PDC: variants seen among roughly 807,000 people sequenced by gnomAD.
PDC encodes the protein 33 kDa phototransducing protein.
PDC carries 19 observed loss-of-function variants against 22.2 expected under a neutral mutation model. The ratio of observed to expected loss-of-function variants is 0.86; its 90% CI spans 0.60 to 1.26. The LOEUF (loss-of-function observed/expected upper bound fraction) is 1.26. Ranked by LOEUF, PDC falls within the 50% of genes most tolerant of loss-of-function variation. The probability of loss-of-function intolerance (pLI) is 0.00; values close to 1 mark genes in which losing one functional copy is unlikely to be tolerated. For synonymous variants in PDC, 97 were observed against 96.2 expected (o/e 1.01, Z -0.05); for missense variants, 274 against 286.8 (o/e 0.96, Z 0.32).
Position 186,446,572 on chromosome 1 carries a change from T to TA in PDC, c.66_67insT (p.Lys23Ter). ...TTTCTCCAATCATTTATTACTCCTTTGGGTCCTGGAATGAAATTAAAAATA... is the reference window on the plus strand; with the variant it reads ...TTTCTCCAATCATTTATTACTCCTTTAGGGTCCTGGAATGAAATTAAAAATA... On this transcript the variant is annotated frameshift_variant, in exon 3 of 4. Transcript: ENST00000391997. LOFTEE classifies it high-confidence loss of function. 2.6e-6 allele frequency: 4 copies of TA among 1,544,294 alleles called. No individual in the cohort carries two copies. Among genetic ancestry groups the TA allele is most frequent in the Non-Finnish European group, 3.5e-6 (4 of 1,128,168 alleles).
chr1:186,454,481 A>G (rs938929990), intron 1 of PDC, among the ~76,000 whole-genome samples: 7 of 150,244 alleles, frequency 4.7e-5, no homozygotes, highest in African/African-American at 1.7e-4. Flanking sequence ...GGCCTATTTC[A>G]TGTTAATGGA....
chr1:186,456,541 A>C (rs1293534165), intron 1 of PDC, among the ~76,000 whole-genome samples: 3 of 152,236 alleles, frequency 2.0e-5, no homozygotes, highest in Non-Finnish European at 4.4e-5. Flanking sequence ...AGCATACCTG[A>C]CATCTTTCCA....
chr1:186,444,569 C>A (rs1662181977), intron 3 of PDC, 63 bp from the exon 4 acceptor site: 1 of 1,115,144 alleles, frequency 9.0e-7, no homozygotes, highest in Non-Finnish European at 1.3e-6. Context: ...ATATACCAAG[C>A]CCATTCTCAA....
rs576238992 is a variant in PDC, at chr1:186,454,371, G to T, written c.-24-4888C>A. Among the ~76,000 whole-genome samples, 12 of 151,894 alleles carry T rather than the reference G, an allele frequency of 7.9e-5. No individual in the cohort carries two copies. In the East Asian group the frequency reaches 1.5e-3, roughly 20 times the overall value. On this transcript the variant is annotated intron_variant, in intron 1 of 3. Coordinates refer to ENST00000391997, the MANE Select transcript of PDC (RefSeq NM_002597.5). ...TTTTTGTATTTTTAGTAGACACGGG[G>T]TTTCACCATGTTGGCCAGGCTGGTC...
chr1:186,456,618 A>T (rs1313409613), intron 1 of PDC, among the ~76,000 whole-genome samples: 1 of 152,172 alleles, frequency 6.6e-6, no homozygotes, highest in Non-Finnish European at 1.5e-5. Context: ...TCAGAGTAAG[A>T]TTGTTTTTTG....
chr1:186,447,359 G>A (rs892237942), intron 2 of PDC, among the ~76,000 whole-genome samples: 1 of 152,046 alleles, frequency 6.6e-6, no homozygotes, highest in Non-Finnish European at 1.5e-5. Context: ...ATGTTGGCCA[G>A]GCTGGTCTTG....
chr1:186,454,923 T>C (rs1662428586), intron 1 of PDC, among the ~76,000 whole-genome samples: 1 of 152,252 alleles, frequency 6.6e-6, no homozygotes, highest in South Asian at 2.1e-4. Flanking sequence ...AAGCTTTTTA[T>C]GATCTAGCCC....
Position 186,444,058 on chromosome 1 carries a change from A to C in PDC, c.662T>G (p.Leu221Arg), listed in dbSNP as rs748020744. 1.2e-5 allele frequency: 19 copies of C among 1,613,106 alleles called. No homozygotes were observed. Among genetic ancestry groups the C allele is most frequent in the Non-Finnish European group, 1.5e-5 (18 of 1,179,052 alleles). The change falls in exon 4 of 4, where the codon CTA becomes CGA. Residue 221 changes from leucine (L) to arginine (R), a missense_variant. By Grantham distance (102) the Leu-to-Arg change is moderately radical. Coordinates refer to ENST00000391997, the MANE Select transcript of PDC (RefSeq NM_002597.5). The stretch of plus-strand genomic sequence containing the variant: ...TTCAGGTAGTAACCCATATTCATTT[A>C]GGAAAGACTCCACATCCCCAGCAAA... The part of the protein sequence containing the change: ...EFFAGDVESF[L>R]NEYGLLPERE...
chr1:186,452,552 T>A (rs537567192), intron 1 of PDC, among the ~76,000 whole-genome samples: 249 of 152,362 alleles, frequency 1.6e-3, no homozygotes, highest in Non-Finnish European at 2.6e-3. Context: ...ACAAGTAATT[T>A]AATTGAAATA....
At chr1:186,449,370 TA>T in intron 2 of PDC, 28 bp downstream of exon 2, 1 of 1,427,910 alleles carries the variant, frequency 7.0e-7, no homozygotes, top group Non-Finnish European at 9.8e-7. Flanking sequence ...TTTAATTTAA[TA>T]ATTATTTTTT....
Position 186,443,932 on chromosome 1 carries a change from C to A in PDC, c.*47G>T. ...GCAATATAGATACTACCAAAACCAT[C>A]ATCCAATACCTAAAGGATAAACATG... is the stretch of plus-strand genomic sequence containing the variant. On this transcript the variant is annotated 3_prime_UTR_variant, in exon 4 of 4. Transcript: ENST00000391997. The A allele has an allele frequency of 1.4e-6, 2 of 1,399,494 alleles. No individual in the cohort carries two copies. Among genetic ancestry groups the A allele is most frequent in the South Asian group, 2.5e-5 (2 of 78,604 alleles). The allele number at this position is 1,399,494 out of a possible 1,614,324, so 86.7% of individuals were successfully genotyped here. A position where few individuals can be genotyped will look rare whatever the true frequency, so the allele number is the denominator to read the frequency against.
intron 2 of PDC, among the ~76,000 whole-genome samples, chr1:186,448,109 G>C (rs1053391640): frequency 6.6e-6 from 1 of 152,166 alleles, no homozygotes; most frequent in African/African-American, 2.4e-5. Context: ...GATGCTGAGT[G>C]AAGAATCTTG....
intron 1 of PDC, among the ~76,000 whole-genome samples, chr1:186,458,251 TAGA>T (rs1662510232): frequency 6.7e-6 from 1 of 149,052 alleles, no homozygotes; most frequent in South Asian, 2.1e-4. Flanking sequence ...TTTTTTTTTT[TAGA>T]AAGAAGGTTG....
chr1:186,458,429 G>A (rs4007511), intron 1 of PDC, among the ~76,000 whole-genome samples: 3 of 145,736 alleles, frequency 2.1e-5, no homozygotes, highest in Non-Finnish European at 4.5e-5. Flanking sequence ...GTCAGTGCAC[G>A]CTGGTTGTGC....
In PDC at chr1:186,449,409, G is replaced by T; in HGVS notation, c.51C>A (p.Ala17=). The T allele has an allele frequency of 1.2e-6, 2 of 1,603,018 alleles. No individual in the cohort carries two copies. The highest frequency in any genetic ancestry group is 1.7e-6 in the Non-Finnish European group (2 of 1,171,880). Residue 17 remains alanine (A), a synonymous_variant, in exon 2 of 4, where the codon GCC becomes GCA. Transcript: ENST00000391997. ...TCTAGCTTTGCTTGCCTGTATGTGT[G>T]GCCTGTCCTTCAAAGTCTTCCTCCA... The part of the protein sequence containing the change: ...QSLEEDFEGQ[A]THTGPKGVIN...
In PDC at chr1:186,446,504, G is replaced by A. The variant is rs201823027; in HGVS notation, c.135C>T (p.Ser45=). The A allele has an allele frequency of 2.5e-6, 4 of 1,603,460 alleles. No homozygotes were observed. Among genetic ancestry groups the A allele is most frequent in the African/African-American group, 1.3e-5 (1 of 74,708 alleles). ...ACATTTGCCTGAGAATCTCCTTCTT[G>A]CTAGGTGGAATTGAATCACTGTCTT... is the stretch of plus-strand genomic sequence containing the variant. ...ESQDSDSIPP[S]KKEILRQMSS... The change falls in exon 3 of 4, where the codon AGC becomes AGT. Residue 45 remains serine, a synonymous_variant. Transcript: ENST00000391997.
At chr1:186,446,651 T>A in intron 2 of PDC, 74 bp from the exon 3 acceptor site, 1 of 889,732 alleles carries the variant, frequency 1.1e-6, no homozygotes, top group African/African-American at 1.7e-5. Context: ...GAAATTTGTG[T>A]AAGTATTGTC....
chr1:186,448,665 T>C (rs1662286601), intron 2 of PDC: 1 of 958,596 alleles, frequency 1.0e-6, no homozygotes. Context: ...GTTTTTGTTT[T>C]TGTCATAATT....
At chr1:186,460,367 G>A (rs1662558828) in intron 1 of PDC, among the ~76,000 whole-genome samples, 2 of 152,148 alleles carry the variant, frequency 1.3e-5, no homozygotes, top group Non-Finnish European at 2.9e-5. Flanking sequence ...CACACCATAT[G>A]CATTACTGTC....
Sources: gnomAD v4.1 joint callset for allele counts (sites outside exome capture counted in the v4.1 genomes callset) on GRCh38, gnomAD v4.1.1 for gene constraint, MANE v1.5 for transcripts, NCBI Gene and HGNC (gene_info 2026-07-23, HGNC 2026-07-21) for gene names.